Variants in SYT10 observed in about 807,000 individuals in gnomAD.
SYT10 encodes synaptotagmin 10.
A neutral mutation model predicts 51.1 loss-of-function variants in SYT10; 31 were observed. That is an observed-to-expected ratio of 0.61 (90% confidence interval 0.46 to 0.82). The LOEUF is 0.82. Ranked by LOEUF, SYT10 falls within the 40% of genes least tolerant of loss-of-function variation. The probability of loss-of-function intolerance (pLI) is 0.00; values close to 1 mark genes in which losing one functional copy is unlikely to be tolerated. For missense variants in SYT10, 603 were observed against 634.0 expected (o/e 0.95, Z 0.53); for synonymous variants, 233 against 225.9 (o/e 1.03, Z -0.28).
chr12:33,380,689 C>T (rs1866106655), intron 5 of SYT10, among the ~76,000 whole-genome samples: 1 of 152,140 alleles, frequency 6.6e-6, no homozygotes, highest in Non-Finnish European at 1.5e-5. Context: ...TTATCATTCT[C>T]TCATTTTATG....
At chr12:33,379,790 G>GAGACA (rs1175647924) in intron 6 of SYT10, 42 bp downstream of exon 6, 1 of 1,607,568 alleles carries the variant, frequency 6.2e-7, no homozygotes, top group Non-Finnish European at 8.5e-7. Flanking sequence ...TTAAGCAAAA[G>GAGACA]AGACAACAAA....
At chr12:33,421,504 T>A (rs1164561145) in intron 2 of SYT10, among the ~76,000 whole-genome samples, 2 of 152,162 alleles carry the variant, frequency 1.3e-5, no homozygotes, top group Non-Finnish European at 2.9e-5. Flanking sequence ...TTAACCTCTT[T>A]CTAATAGGAA....
chr12:33,413,598 A>G (rs901797194), intron 2 of SYT10, among the ~76,000 whole-genome samples: 1 of 152,186 alleles, frequency 6.6e-6, no homozygotes, highest in African/African-American at 2.4e-5. Flanking sequence ...TCATAAGTGA[A>G]GGAGAAATAA....
intron 3 of SYT10, among the ~76,000 whole-genome samples, chr12:33,403,764 T>C (rs534361391): frequency 2.6e-5 from 4 of 152,176 alleles, no homozygotes; most frequent in African/African-American, 9.6e-5. Context: ...AAAGAAAGTT[T>C]CTTAATGAAA....
At chr12:33,410,650 A>G (rs1866397416) in intron 2 of SYT10, among the ~76,000 whole-genome samples, 1 of 152,248 alleles carries the variant, frequency 6.6e-6, no homozygotes, top group African/African-American at 2.4e-5. Flanking sequence ...CATTCTGCTC[A>G]GCTTCACCCA....
rs1447386792 is a variant in SYT10, at chr12:33,426,018, G to A, written c.509+120C>T. 5.0e-6 allele frequency: 5 copies of A among 1,006,374 alleles called. No individual in the cohort carries two copies. The African/African-American group carries it at 8.3e-5, about 17-fold the overall frequency. The allele number at this position is 1,006,374 out of a possible 1,614,324, so 62.3% of individuals were successfully genotyped here. A position where few individuals can be genotyped will look rare whatever the true frequency, so the allele number is the denominator to read the frequency against. On this transcript the variant is annotated intron_variant, in intron 2 of 6. Transcript: ENST00000228567. ...TTCCTATGTCTTTCCCATTTCTCCT[G>A]TTTCTCTTTTCTCCCAACTAAAGTT...
intron 3 of SYT10, among the ~76,000 whole-genome samples, chr12:33,391,362 T>TC (rs1866205487): frequency 2.0e-5 from 3 of 152,042 alleles, no homozygotes; most frequent in Non-Finnish European, 2.9e-5. Context: ...TAGGAGGGCA[T>TC]TAGAGGTGGG....
chr12:33,380,099 A>C, intron 5 of SYT10, 138 bp from the exon 6 acceptor site: 1 of 858,180 alleles, frequency 1.2e-6, no homozygotes, highest in South Asian at 2.4e-5. Context: ...TTCAGACCGA[A>C]TGAAATCTCT....
At chr12:33,422,243 T>C (rs1866511762) in intron 2 of SYT10, among the ~76,000 whole-genome samples, 1 of 152,162 alleles carries the variant, frequency 6.6e-6, no homozygotes, top group South Asian at 2.1e-4. Flanking sequence ...TTAATGACTT[T>C]TAAAAGATTT....
chr12:33,396,654 A>G (rs1565493194), intron 3 of SYT10, among the ~76,000 whole-genome samples: 1 of 151,484 alleles, frequency 6.6e-6, no homozygotes, highest in African/African-American at 2.4e-5. Flanking sequence ...AGAAATTCTT[A>G]CTTTTTCAAT....
intron 3 of SYT10, among the ~76,000 whole-genome samples, chr12:33,403,012 G>C (rs1866319626): frequency 6.6e-6 from 1 of 151,904 alleles, no homozygotes. Flanking sequence ...AGATACACCA[G>C]CTAGTGCTTT....
chr12:33,391,309 T>C (rs369739763), intron 3 of SYT10, among the ~76,000 whole-genome samples: 1 of 152,136 alleles, frequency 6.6e-6, no homozygotes, highest in South Asian at 2.1e-4. Flanking sequence ...ATTTTAATTA[T>C]GGGAAGAGCG....
chr12:33,400,156 A>G (rs141111421), intron 3 of SYT10, among the ~76,000 whole-genome samples: 104 of 152,296 alleles, frequency 6.8e-4, no homozygotes, highest in Non-Finnish European at 1.3e-3. Context: ...AAATGTTATT[A>G]GCTGACACAT....
intron 3 of SYT10, among the ~76,000 whole-genome samples, chr12:33,392,985 T>A (rs1260249773): frequency 1.0e-4 from 6 of 59,100 alleles, no homozygotes; most frequent in African/African-American, 9.0e-5. Flanking sequence ...TTTTTGCCAT[T>A]AAAAAAAAAA....
At position 33,406,895 on chromosome 12, in the gene SYT10, A is replaced by G. The variant is rs1213998971; in HGVS notation, c.971T>C (p.Phe324Ser). The change falls in exon 3 of 7, where the codon TTT becomes TCT. Residue 324 changes from phenylalanine to serine, a missense_variant. Physicochemically the swap from Phe to Ser is radical, Grantham distance 155. Coordinates refer to ENST00000228567, the MANE Select transcript of SYT10 (RefSeq NM_198992.4). ...TTCCCCAATCATGTCATGTCTAGAA[A>G]ATCTGTCAAAATCATACACACTGAA... ...LHFSVYDFDR[F>S]SRHDMIGEVI... The G allele has an allele frequency of 2.5e-6, 4 of 1,613,948 alleles. No homozygotes were observed. The highest frequency in any genetic ancestry group is 3.4e-6 in the Non-Finnish European group (4 of 1,180,022).
intron 3 of SYT10, among the ~76,000 whole-genome samples, chr12:33,401,845 C>A (rs1866309874): frequency 6.6e-6 from 1 of 152,126 alleles, no homozygotes; most frequent in Non-Finnish European, 1.5e-5. Flanking sequence ...ATTCAAAAAG[C>A]ATTTATTCAT....
chr12:33,400,375 C>T (rs1204894665), intron 3 of SYT10, among the ~76,000 whole-genome samples: 3 of 152,122 alleles, frequency 2.0e-5, no homozygotes, highest in Non-Finnish European at 1.5e-5. Context: ...GCAGGTGCAT[C>T]CAATACTCTG....
intron 3 of SYT10, among the ~76,000 whole-genome samples, chr12:33,389,755 A>T (rs1430655160): frequency 6.6e-6 from 1 of 152,160 alleles, no homozygotes; most frequent in Non-Finnish European, 1.5e-5. Context: ...AAAACAGATG[A>T]TTTTCTTCAC....
chr12:33,428,932 A>T (rs1376758214), intron 1 of SYT10, among the ~76,000 whole-genome samples: 2 of 150,370 alleles, frequency 1.3e-5, no homozygotes, highest in East Asian at 3.9e-4. Flanking sequence ...AAAGACTGGC[A>T]GTGTGGAAAT....
Sources: gnomAD v4.1 joint callset for allele counts (sites outside exome capture counted in the v4.1 genomes callset) on GRCh38, gnomAD v4.1.1 for gene constraint, MANE v1.5 for transcripts, NCBI Gene and HGNC (gene_info 2026-07-23, HGNC 2026-07-21) for gene names.